The following WDR75 variants were observed in gnomAD, a reference collection of about 807,000 sequenced individuals.
WDR75 encodes WD repeat domain 75.
Under a neutral mutation model 106.1 loss-of-function variants are expected in WDR75, and 52 were observed. That is an observed-to-expected ratio of 0.49 (90% CI 0.39 to 0.62). WDR75 has a LOEUF of 0.62. Ranked by LOEUF, WDR75 falls within the 20% of genes least tolerant of loss-of-function variation. WDR75 has a pLI of 0.00. For synonymous variants in WDR75, 333 were observed against 335.5 expected (o/e 0.99, Z 0.08); for missense variants, 905 against 970.3 (o/e 0.93, Z 0.89).
chr2:189,446,123 G>C (rs1458967024), intron 1 of WDR75, among the ~76,000 whole-genome samples: 1 of 152,158 alleles, frequency 6.6e-6, no homozygotes, highest in Non-Finnish European at 1.5e-5. Context: ...GAAATTGTTG[G>C]AGTTATGAAC....
At chr2:189,472,433 A>G (rs1008446908) in intron 18 of WDR75, among the ~76,000 whole-genome samples, 8 of 152,148 alleles carry the variant, frequency 5.3e-5, no homozygotes, top group African/African-American at 9.7e-5. Flanking sequence ...TAGAACTCCT[A>G]TTATTTAGTG....
Position 189,474,411 on chromosome 2 carries a change from C to A in WDR75, c.2196+79C>A, listed in dbSNP as rs1053232154. On this transcript the variant is annotated intron_variant, in intron 19 of 20. Coordinates refer to ENST00000314761, the MANE Select transcript of WDR75 (RefSeq NM_032168.3). ...AAGTTGGAGTTTTGACACAGTCAAT[C>A]TGTAATTTGTATGCTGTACAACTTT... is the stretch of plus-strand genomic sequence containing the variant. 11 of 1,477,846 alleles carry A rather than the reference C, an allele frequency of 7.4e-6. No individual in the cohort carries two copies. In the African/African-American group the frequency reaches 1.4e-4, roughly 19 times the overall value. The allele number at this position is 1,477,846 out of a possible 1,614,324, so 91.5% of individuals were successfully genotyped here. A position where few individuals can be genotyped will look rare whatever the true frequency, so the allele number is the denominator to read the frequency against.
At chr2:189,443,996 T>C (rs989630211) in intron 1 of WDR75, among the ~76,000 whole-genome samples, 2 of 152,092 alleles carry the variant, frequency 1.3e-5, no homozygotes, top group African/African-American at 4.8e-5. Context: ...CAGTTCGGGG[T>C]TATTAACTCT....
intron 7 of WDR75, among the ~76,000 whole-genome samples, chr2:189,459,127 T>C (rs1366848691): frequency 6.6e-6 from 1 of 152,220 alleles, no homozygotes; most frequent in Admixed American, 6.5e-5. Flanking sequence ...CTGACAATAG[T>C]GAATATCTAG....
intron 1 of WDR75, among the ~76,000 whole-genome samples, chr2:189,442,442 CTTT>C (rs1188214718): frequency 8.1e-5 from 6 of 73,900 alleles, no homozygotes; most frequent in African/African-American, 1.1e-4. Context: ...CCACAATATT[CTTT>C]TTTTTTTTTT....
rs369717945 is a variant in WDR75 at position 189,449,987 on chromosome 2, T to C, written c.217-916T>C. On this transcript the variant is annotated intron_variant, in intron 2 of 20. Coordinates refer to ENST00000314761, the MANE Select transcript of WDR75 (RefSeq NM_032168.3). ...AGCAGAAACTTAGTATTAATAAAAC[T>C]AAGTACACTGGGACAAAAGTAAGCC... is the stretch of plus-strand genomic sequence containing the variant. 3.0e-6 allele frequency: 3 copies of C among 985,218 alleles called. No homozygotes were observed. The East Asian group carries it at 3.4e-4, about 112-fold the overall frequency. The allele number at this position is 985,218 out of a possible 1,614,324, so 61.0% of individuals were successfully genotyped here. A position where few individuals can be genotyped will look rare whatever the true frequency, so the allele number is the denominator to read the frequency against.
chr2:189,450,193 A>G, intron 2 of WDR75: 3 of 984,630 alleles, frequency 3.0e-6, no homozygotes, highest in Non-Finnish European at 3.6e-6. Context: ...TTGGTCCTTG[A>G]TGGATTGGAA....
intron 2 of WDR75, chr2:189,450,488 G>A (rs928999296): frequency 5.9e-5 from 51 of 866,816 alleles, no homozygotes; most frequent in Middle Eastern, 5.4e-4. Flanking sequence ...GTGCCACCAC[G>A]CCTGGCTAAT....
intron 5 of WDR75, among the ~76,000 whole-genome samples, chr2:189,456,057 C>T (rs1290181999): frequency 6.6e-6 from 1 of 152,112 alleles, no homozygotes; most frequent in African/African-American, 2.4e-5. Flanking sequence ...ATCACTGTAG[C>T]GGCATGCTTC....
At chr2:189,441,656 T>C in intron 1 of WDR75, 78 bp downstream of exon 1, 1 of 1,488,194 alleles carries the variant, frequency 6.7e-7, no homozygotes, top group Non-Finnish European at 9.2e-7. Flanking sequence ...GAATTGTCAG[T>C]CGCGTTCGGA....
At chr2:189,474,941 A>G in intron 20 of WDR75, 133 bp downstream of exon 20, 4 of 817,676 alleles carry the variant, frequency 4.9e-6, no homozygotes, top group Non-Finnish European at 7.7e-6. Context: ...TTTAAAGGCT[A>G]TAGGATTATT....
intron 8 of WDR75, among the ~76,000 whole-genome samples, chr2:189,461,844 T>TATA: frequency 6.6e-6 from 1 of 152,188 alleles, no homozygotes. Context: ...TTTAGTGTGG[T>TATA]GTTTGCTATA....
chr2:189,460,783 G>A (rs953615990), intron 8 of WDR75, among the ~76,000 whole-genome samples: 3 of 152,156 alleles, frequency 2.0e-5, no homozygotes, highest in African/African-American at 7.2e-5. Flanking sequence ...TGGGATTACA[G>A]GCGTGAGCTA....
At chr2:189,458,561 T>C (rs571508897) in intron 6 of WDR75, among the ~76,000 whole-genome samples, 192 bp from the exon 7 acceptor site, 1 of 152,310 alleles carries the variant, frequency 6.6e-6, no homozygotes, top group South Asian at 2.1e-4. Context: ...TATATTGATA[T>C]ATGTTTACAA....
chr2:189,470,171 G>A lies in WDR75; in HGVS notation c.1915G>A (p.Val639Ile). The change falls in exon 17 of 21, where the codon GTC becomes ATC. Residue 639 changes from valine (V) to isoleucine (I), a missense_variant. By Grantham distance (29) the Val-to-Ile change is conservative. Transcript: ENST00000314761. The stretch of plus-strand genomic sequence containing the variant: ...GTGGGGAGTGTTTGTTCCACGAGAT[G>A]TCCCTGAATCCTTCACCTCAGAAGC... Reference protein sequence around the residue: ...VQWGVFVPRDVPESFTSEAYQ... With the variant: ...VQWGVFVPRDIPESFTSEAYQ... The A allele has an allele frequency of 1.2e-6, 2 of 1,613,624 alleles. No individual in the cohort carries two copies. Among genetic ancestry groups the A allele is most frequent in the Non-Finnish European group, 1.7e-6 (2 of 1,179,640 alleles).
Position 189,475,350 on chromosome 2 carries a change from C to T in WDR75, c.2426C>T (p.Ser809Leu). The stretch of plus-strand genomic sequence containing the variant: ...GGAGAAGACATTATACATCAGTTGT[C>T]AAAATCTGAAGAAAAAGAACTGAGA... ...GLGEDIIHQLSKSEEKELRKF... is the reference protein window; with the variant it reads ...GLGEDIIHQLLKSEEKELRKF... Residue 809 changes from serine (S) to leucine (L), a missense_variant, in exon 21 of 21, where the codon TCA (serine) becomes TTA (leucine). Transcript: ENST00000314761. The T allele has an allele frequency of 6.2e-7, 1 of 1,612,334 alleles. No individual in the cohort carries two copies. Among genetic ancestry groups the T allele is most frequent in the Non-Finnish European group, 8.5e-7 (1 of 1,179,286 alleles).
chr2:189,463,553 C>T, intron 9 of WDR75, 141 bp from the exon 10 acceptor site: 2 of 703,746 alleles, frequency 2.8e-6, no homozygotes, highest in Non-Finnish European at 4.6e-6. Flanking sequence ...AGCTGATGAG[C>T]TAAAAATAAT....
In WDR75 at chr2:189,466,562, C is replaced by A. The variant is rs377066918; in HGVS notation, c.1427C>A (p.Thr476Lys). The A allele has an allele frequency of 1.2e-6, 2 of 1,612,442 alleles. No individual in the cohort carries two copies. Among genetic ancestry groups the A allele is most frequent in the Non-Finnish European group, 1.7e-6 (2 of 1,179,120 alleles). Residue 476 changes from threonine to lysine, a missense_variant, in exon 13 of 21, where the codon ACA becomes AAA. Thr to Lys is a moderately conservative substitution (Grantham distance 78). Transcript: ENST00000314761. ...KDGYFKVWIL[T>K]DDSDIYKKAV... ...GGTTACTTCAAAGTATGGATATTAA[C>A]AGATGACTCTGACATATACAGTAAG...
In WDR75 at chr2:189,470,231, C is replaced by T; in HGVS notation, c.1975C>T (p.Leu659=). The T allele has an allele frequency of 1.2e-6, 2 of 1,610,006 alleles. No homozygotes were observed. The highest frequency in any genetic ancestry group is 1.7e-6 in the Non-Finnish European group (2 of 1,178,234). Residue 659 remains leucine, a synonymous_variant, in exon 17 of 21, where the codon CTA becomes TTA. Coordinates refer to ENST00000314761, the MANE Select transcript of WDR75 (RefSeq NM_032168.3). ...GCTAAATAGATCCCAGTTTTACTTC[C>T]TAACAAAATCACAGGTAACTGCCTC... is the stretch of plus-strand genomic sequence containing the variant. The part of the protein sequence containing the change: ...QWLNRSQFYF[L]TKSQSLLTFS...
Sources: allele counts gnomAD v4.1 joint callset (sites outside exome capture counted in the v4.1 genomes callset), GRCh38; gene constraint gnomAD v4.1.1; transcripts MANE v1.5; gene names NCBI Gene and HGNC (gene_info 2026-07-23, HGNC 2026-07-21).